ALDH1A1: variants seen among roughly 807,000 people sequenced by gnomAD.
ALDH1A1 encodes aldehyde dehydrogenase 1A1.
In ALDH1A1, 19 loss-of-function variants were observed where a neutral mutation model predicts 62.1. The ratio of observed to expected loss-of-function variants is 0.31; its 90% CI spans 0.21 to 0.45. ALDH1A1 has a LOEUF of 0.45. Ranked by LOEUF, ALDH1A1 falls within the 20% of genes least tolerant of loss-of-function variation. ALDH1A1 has a pLI of 1.00. For synonymous variants in ALDH1A1, 231 were observed against 215.9 expected (o/e 1.07, Z -0.61); for missense variants, 521 against 607.1 (o/e 0.86, Z 1.49).
intron 3 of ALDH1A1, among the ~76,000 whole-genome samples, chr9:72,930,119 T>A (rs1400433118): frequency 6.6e-6 from 1 of 152,188 alleles, no homozygotes; most frequent in Non-Finnish European, 1.5e-5. Flanking sequence ...AAGATGAAAT[T>A]TGCTTGAAAC....
intron 7 of ALDH1A1, among the ~76,000 whole-genome samples, chr9:72,921,209 T>A (rs971285470): frequency 7.1e-6 from 1 of 140,634 alleles, no homozygotes. Context: ...GCCACTGCAC[T>A]CCAGCCTGGG....
At chr9:72,903,784 CAT>C (rs886459937) in intron 12 of ALDH1A1, among the ~76,000 whole-genome samples, 1 of 152,000 alleles carries the variant, frequency 6.6e-6, no homozygotes, top group African/African-American at 2.4e-5. Context: ...ACGAAATTGA[CAT>C]GTTTGGTCTA....
intron 1 of ALDH1A1, among the ~76,000 whole-genome samples, chr9:72,949,526 A>G (rs1170989082): frequency 6.6e-6 from 1 of 151,890 alleles, no homozygotes; most frequent in African/African-American, 2.4e-5. Flanking sequence ...AGTTCCCTGA[A>G]CTGTGAAACA....
At position 72,952,948 on chromosome 9, in the gene ALDH1A1, A is replaced by C. The variant is rs1290838146; in HGVS notation, c.53T>G (p.Ile18Ser). Residue 18 changes from isoleucine (I) to serine (S), a missense_variant, in exon 1 of 13, where the codon ATT becomes AGT. Physicochemically the swap from Ile to Ser is moderately radical, Grantham distance 142. Transcript: ENST00000297785. ...AGTTTTACTCACCTTAGTATATTGA[A>C]TCTTCAAATCGGTGAGTAGGACAGG... ...DLPVLLTDLKIQYTKIFINNE... is the reference protein window; with the variant it reads ...DLPVLLTDLKSQYTKIFINNE... 6.2e-7 allele frequency: 1 copy of C among 1,612,876 alleles called. No individual in the cohort carries two copies. The highest frequency in any genetic ancestry group is 2.2e-5 in the East Asian group (1 of 44,870).
intron 1 of ALDH1A1, among the ~76,000 whole-genome samples, chr9:72,948,533 T>C (rs1442705429): frequency 6.6e-6 from 1 of 151,936 alleles, no homozygotes; most frequent in African/African-American, 2.4e-5. Context: ...GTAAGACCTC[T>C]GGATCTTTGT....
chr9:72,925,655 G>C (rs767857748), intron 5 of ALDH1A1, 43 bp from the exon 6 acceptor site: 2 of 1,595,024 alleles, frequency 1.3e-6, no homozygotes, highest in Non-Finnish European at 8.5e-7. Context: ...TATTGCAAAA[G>C]GCATATTTGC....
chr9:72,935,281 T>G (rs73647853), intron 2 of ALDH1A1, among the ~76,000 whole-genome samples: 1 of 152,188 alleles, frequency 6.6e-6, no homozygotes, highest in Admixed American at 6.5e-5. Flanking sequence ...AGAAAACAAT[T>G]TGGTACATTA....
intron 9 of ALDH1A1, among the ~76,000 whole-genome samples, chr9:72,913,852 G>A (rs1018612632): frequency 2.0e-5 from 3 of 152,228 alleles, no homozygotes; most frequent in Non-Finnish European, 4.4e-5. Flanking sequence ...GCACAGGAAA[G>A]ATTGAGGAAC....
chr9:72,939,293 T>A (rs1284906349), intron 2 of ALDH1A1, among the ~76,000 whole-genome samples: 3 of 152,130 alleles, frequency 2.0e-5, no homozygotes, highest in Non-Finnish European at 4.4e-5. Flanking sequence ...GAGAACAATT[T>A]TCACTAAATA....
rs138333730 is a variant in ALDH1A1, at chr9:72,944,041, A to C, written c.67-3789T>G. Among the ~76,000 whole-genome samples the C allele has an allele frequency of 2.6e-3, 398 of 152,232 alleles. 5 individuals are homozygous for C. Among genetic ancestry groups the C allele is most frequent in the Non-Finnish European group, 5.9e-4 (40 of 67,984 alleles). Reference sequence around the variant, plus strand: ...CCAACAGAATGGAGTTGCAGTGGACATAAGTCACAGATAAGGCCTGACATT... The same window carrying C: ...CCAACAGAATGGAGTTGCAGTGGACCTAAGTCACAGATAAGGCCTGACATT... On this transcript the variant is annotated intron_variant, in intron 1 of 12. Transcript: ENST00000297785.
intron 10 of ALDH1A1, among the ~76,000 whole-genome samples, chr9:72,911,198 G>A (rs1230607861): frequency 6.6e-6 from 1 of 152,006 alleles, no homozygotes; most frequent in Non-Finnish European, 1.5e-5. Flanking sequence ...ACAAAATCAG[G>A]AAGTCTAACA....
chr9:72,918,125 G>A (rs1342586602), intron 8 of ALDH1A1, among the ~76,000 whole-genome samples: 1 of 152,014 alleles, frequency 6.6e-6, no homozygotes, highest in Non-Finnish European at 1.5e-5. Context: ...CTTCTATTTA[G>A]GAAATAATTG....
intron 1 of ALDH1A1, among the ~76,000 whole-genome samples, chr9:72,952,144 A>C (rs900122923): frequency 1.1e-4 from 16 of 151,962 alleles, no homozygotes; most frequent in African/African-American, 3.9e-4. Flanking sequence ...ACTTCAAGTA[A>C]TTTTGGTTAG....
At chr9:72,931,216 G>A (rs190403845) in intron 2 of ALDH1A1, among the ~76,000 whole-genome samples, 197 bp from the exon 3 acceptor site, 1 of 152,284 alleles carries the variant, frequency 6.6e-6, no homozygotes, top group East Asian at 1.9e-4. Flanking sequence ...TACATGATGA[G>A]CTCCACGTAC....
At chr9:72,906,160 G>A in intron 11 of ALDH1A1, 128 bp from the exon 12 acceptor site, 2 of 599,536 alleles carry the variant, frequency 3.3e-6, no homozygotes, top group Non-Finnish European at 5.8e-6. Context: ...TACTCATCTT[G>A]ATAAAAAAAA....
intron 12 of ALDH1A1, 102 bp from the exon 13 acceptor site, chr9:72,901,382 G>A (rs1588127274): frequency 1.4e-6 from 1 of 735,770 alleles, no homozygotes; most frequent in South Asian, 2.0e-5. Context: ...TTACTGGCTA[G>A]GGACAATAGA....
In ALDH1A1 at chr9:72,928,797, T is replaced by C. The variant is rs145081739; in HGVS notation, c.442+95A>G. On this transcript the variant is annotated intron_variant, in intron 4 of 12. Transcript: ENST00000297785. ...GGAAAATAATTTTGCCTTATTTGGT[T>C]GACATCTTTAAAAGGGAGAGTTTGA... 1.1e-4 allele frequency: 141 copies of C among 1,342,232 alleles called. No homozygotes were observed. In the African/African-American group the frequency reaches 1.8e-3, roughly 17 times the overall value. 83.1% of individuals were successfully genotyped at this position (1,342,232 alleles called of 1,614,324 possible). A position where few individuals can be genotyped will look rare whatever the true frequency, so the allele number is the denominator to read the frequency against.
At chr9:72,946,517 A>G (rs1830476209) in intron 1 of ALDH1A1, among the ~76,000 whole-genome samples, 1 of 151,976 alleles carries the variant, frequency 6.6e-6, no homozygotes, top group Non-Finnish European at 1.5e-5. Flanking sequence ...GTTTGTGGAT[A>G]CTTTTGCTAT....
chr9:72,925,467 G>T lies in ALDH1A1; in HGVS notation c.633+17C>A. 6.2e-7 allele frequency: 1 copy of T among 1,610,230 alleles called. No homozygotes were observed. Among genetic ancestry groups the T allele is most frequent in the South Asian group, 1.1e-5 (1 of 90,276 alleles). ...ATTCTTGAGTTCTTGAGCATATTTTGATTTCGGGAGACTTACCTCTTTTAT... is the reference window on the plus strand; with the variant it reads ...ATTCTTGAGTTCTTGAGCATATTTTTATTTCGGGAGACTTACCTCTTTTAT... On this transcript the variant is annotated intron_variant, in intron 6 of 12. Transcript: ENST00000297785.
Sources: gnomAD v4.1 joint callset for allele counts (sites outside exome capture counted in the v4.1 genomes callset) on GRCh38, gnomAD v4.1.1 for gene constraint, MANE v1.5 for transcripts, NCBI Gene and HGNC (gene_info 2026-07-23, HGNC 2026-07-21) for gene names.